Variants in GGA1 observed in about 807,000 individuals in gnomAD.
The protein encoded by GGA1 is golgi associated, gamma adaptin ear containing, ARF binding protein 1, also known as ADP-ribosylation factor-binding protein GGA1.
A neutral mutation model predicts 76.9 loss-of-function variants in GGA1; 18 were observed. The observed-to-expected ratio is 0.23, with a 90% CI of 0.16 to 0.35. The LOEUF (loss-of-function observed/expected upper bound fraction) is 0.35, where lower values mean the gene tolerates loss of function less well. Among genes scored for constraint, GGA1 ranks in the 10% least tolerant of loss-of-function variants. GGA1 has a pLI of 1.00. For synonymous variants in GGA1, 342 were observed against 354.7 expected, an observed-to-expected ratio of 0.96 and a Z score of 0.40; for missense variants, 755 against 859.0, an observed-to-expected ratio of 0.88 and a Z score of 1.51.
At chr22:37,615,114 C>T (rs2145898161) in intron 2 of GGA1, among the ~76,000 whole-genome samples, 1 of 151,200 alleles carries the variant, frequency 6.6e-6, no homozygotes, top group African/African-American at 2.4e-5. Flanking sequence ...GCCTGGGCAA[C>T]ATAGCGGGGC....
intron 1 of GGA1, among the ~76,000 whole-genome samples, chr22:37,611,804 C>G (rs1601494418): frequency 6.6e-6 from 1 of 152,212 alleles, no homozygotes; most frequent in African/African-American, 2.4e-5. Flanking sequence ...AAATGAAGAT[C>G]GAGCTCTGGC....
intron 1 of GGA1, chr22:37,610,245 A>G (rs1437643729): frequency 6.6e-6 from 1 of 152,228 alleles, no homozygotes. Context: ...GCCCTGACAC[A>G]CTGGGGCTGG....
chr22:37,608,951 G>T, intron 1 of GGA1, 48 bp downstream of exon 1: 1 of 1,324,782 alleles, frequency 7.5e-7, no homozygotes. Flanking sequence ...GGAACCGGGG[G>T]CACGAGGCGG....
intron 2 of GGA1, among the ~76,000 whole-genome samples, chr22:37,615,107 TGGGCAACATAGCG>T (rs1225377778): frequency 6.6e-6 from 1 of 151,486 alleles, no homozygotes; most frequent in Non-Finnish European, 1.5e-5. Flanking sequence ...GAGGCTAGCC[TGGGCAACATAGCG>T]GGGCAACATA....
chr22:37,629,438 ACCTCTCT>A lies in GGA1; in HGVS notation c.1094-20_1094-14del. 6.4e-7 allele frequency: 1 copy of A among 1,565,724 alleles called. No homozygotes were observed. The highest frequency in any genetic ancestry group is 8.7e-7 in the Non-Finnish European group (1 of 1,148,378). On this transcript the variant is annotated splice_polypyrimidine_tract_variant and intron_variant, in intron 11 of 16. Transcript: ENST00000343632. ...TCTGCAGGGTCAGCCCAGCTCCTTCACCTCTCTCCTGCTTTCCCCTCAGGCCTCAGTG... is the reference window on the plus strand; with the variant it reads ...TCTGCAGGGTCAGCCCAGCTCCTTCACCTGCTTTCCCCTCAGGCCTCAGTG...
At position 37,631,023 on chromosome 22, in the gene GGA1, C is replaced by G; in HGVS notation, c.1452C>G (p.Pro484=). Residue 484 remains proline (P), a synonymous_variant, in exon 14 of 17, where the codon CCC becomes CCG. Coordinates refer to ENST00000343632, the MANE Select transcript of GGA1 (RefSeq NM_013365.5). ...TCCACACCGTGTCCCCAGAGCCCCC[C>G]AGGCCTCCGCAGCAGCCCGTACCAA... The part of the protein sequence containing the change: ...SLLHTVSPEP[P]RPPQQPVPTE... The G allele has an allele frequency of 6.2e-7, 1 of 1,613,480 alleles. No individual in the cohort carries two copies. Among genetic ancestry groups the G allele is most frequent in the Non-Finnish European group, 8.5e-7 (1 of 1,179,782 alleles).
intron 13 of GGA1, chr22:37,630,692 G>T: frequency 1.8e-6 from 1 of 556,680 alleles, no homozygotes; most frequent in Non-Finnish European, 3.1e-6. Flanking sequence ...TCAGGCTCCT[G>T]AGTAGCTGGG....
At chr22:37,611,092 C>T (rs1210646520) in intron 1 of GGA1, among the ~76,000 whole-genome samples, 2 of 152,204 alleles carry the variant, frequency 1.3e-5, no homozygotes. Context: ...CAGTGATTCT[C>T]TAACTTTAGA....
At chr22:37,629,842 C>T (rs757720890) in intron 12 of GGA1, among the ~76,000 whole-genome samples, 156 bp from the exon 13 acceptor site, 2 of 152,226 alleles carry the variant, frequency 1.3e-5, no homozygotes, top group Non-Finnish European at 2.9e-5. Flanking sequence ...GACCCAGCCA[C>T]CCTGCATCAT....
Position 37,625,882 on chromosome 22 carries a change from C to T in GGA1, c.1026C>T (p.Gly342=), listed in dbSNP as rs147657157. The T allele has an allele frequency of 2.5e-4, 401 of 1,611,154 alleles. No individual in the cohort carries two copies. In the African/African-American group the frequency reaches 4.5e-3, roughly 18 times the overall value. The change falls in exon 11 of 17, where the codon GGC becomes GGT. Residue 342 remains glycine (G), a synonymous_variant. Coordinates refer to ENST00000343632, the MANE Select transcript of GGA1 (RefSeq NM_013365.5). This position sits in a 1 kb window ranked among gnomAD's most constrained non-coding sequence, Gnocchi z 4.1. ...ACCCAGCTATGCCCACCCGCCCTGG[C>T]GAGCAGGCCAGCCCTGAGCAGCCCA... ...TTYPAMPTRP[G]EQASPEQPSA...
rs908505546 is a variant in GGA1, at chr22:37,628,705, C to T, written c.1094-757C>T. Among the ~76,000 whole-genome samples the T allele has an allele frequency of 2.0e-5, 3 of 152,210 alleles. No homozygotes were observed. In the East Asian group the frequency reaches 5.8e-4, roughly 29 times the overall value. On this transcript the variant is annotated intron_variant, in intron 11 of 16. Coordinates refer to ENST00000343632, the MANE Select transcript of GGA1 (RefSeq NM_013365.5). ...ACCCACTGTCACAGCTTCCTGGTACCCTTGCCTTTGCCTGTCAGGTAGCAC... is the reference window on the plus strand; with the variant it reads ...ACCCACTGTCACAGCTTCCTGGTACTCTTGCCTTTGCCTGTCAGGTAGCAC...
At chr22:37,616,863 GC>G in intron 2 of GGA1, 58 bp from the exon 3 acceptor site, 1 of 1,522,292 alleles carries the variant, frequency 6.6e-7, no homozygotes, top group Non-Finnish European at 8.8e-7. Context: ...TGGGGTCGTG[GC>G]CCTAGGGTGA....
intron 13 of GGA1, 161 bp from the exon 14 acceptor site, chr22:37,630,742 A>C (rs185592615): frequency 1.7e-6 from 1 of 589,210 alleles, no homozygotes; most frequent in Admixed American, 3.4e-5. Flanking sequence ...AGTTTTTTGT[A>C]TTTTTTATAC....
chr22:37,619,742 C>A (rs1929532483), intron 4 of GGA1: 5 of 773,410 alleles, frequency 6.5e-6, no homozygotes. Flanking sequence ...TGCTCAGACC[C>A]ATCCTTTGAC....
At chr22:37,629,039 C>A (rs775106168) in intron 11 of GGA1, among the ~76,000 whole-genome samples, 6 of 152,234 alleles carry the variant, frequency 3.9e-5, no homozygotes, top group Non-Finnish European at 5.9e-5. Flanking sequence ...CAGTGCCTAG[C>A]CCACAGTCAC....
chr22:37,620,801 CATCTA>C lies in GGA1; in HGVS notation c.428-8_428-4del, dbSNP rs781245170. On this transcript the variant is annotated splice_region_variant and splice_polypyrimidine_tract_variant and intron_variant, in intron 5 of 16. Coordinates refer to ENST00000343632, the MANE Select transcript of GGA1 (RefSeq NM_013365.5). The stretch of plus-strand genomic sequence containing the variant: ...ACATATTGACAGCCTTTCTGACACT[CATCTA>C]ATCCAGGGATTGTAAAGTCCGACCC... 2 of 1,530,808 alleles carry C rather than the reference CATCTA, an allele frequency of 1.3e-6. No homozygotes were observed. Among genetic ancestry groups the C allele is most frequent in the South Asian group, 1.1e-5 (1 of 89,450 alleles). 94.8% of individuals were successfully genotyped at this position (1,530,808 alleles called of 1,614,324 possible). A position where few individuals can be genotyped will look rare whatever the true frequency, so the allele number is the denominator to read the frequency against.
rs769115053 is a variant in GGA1 at position 37,632,536 on chromosome 22, G to A, written c.1809+21G>A. 1 of 1,589,984 alleles carries A rather than the reference G, an allele frequency of 6.3e-7. No homozygotes were observed. The highest frequency in any genetic ancestry group is 8.6e-7 in the Non-Finnish European group (1 of 1,158,194). ...AGAAGGTAAGGGGCCCCCAGGCAGT[G>A]CTGCAGGGTGGGGACGGCCACTTCT... On this transcript the variant is annotated intron_variant, in intron 16 of 16. Coordinates refer to ENST00000343632, the MANE Select transcript of GGA1 (RefSeq NM_013365.5). This position sits in a 1 kb window ranked among gnomAD's most constrained non-coding sequence, Gnocchi z 5.1.
chr22:37,623,311 G>T lies in GGA1; in HGVS notation c.610-16G>T, dbSNP rs1475064057. On this transcript the variant is annotated splice_polypyrimidine_tract_variant and intron_variant, in intron 7 of 16. Coordinates refer to ENST00000343632, the MANE Select transcript of GGA1 (RefSeq NM_013365.5). The surrounding 1 kb of genome is among the most constrained non-coding windows in gnomAD (Gnocchi z 4.6). ...GGCCAAAGGTTCTCAGGGGCCCTTG[G>T]CCAATGTGTCCCCAGGACCAGAAGC... The T allele has an allele frequency of 1.2e-6, 2 of 1,613,652 alleles. No homozygotes were observed. The highest frequency in any genetic ancestry group is 1.7e-6 in the Non-Finnish European group (2 of 1,179,626).
chr22:37,630,799 C>T, intron 13 of GGA1, 104 bp from the exon 14 acceptor site: 2 of 770,524 alleles, frequency 2.6e-6, no homozygotes, highest in Non-Finnish European at 4.3e-6. Flanking sequence ...AACTCCTGAG[C>T]TCAAGCGATC....
Sources: gnomAD v4.1 joint callset for allele counts (sites outside exome capture counted in the v4.1 genomes callset) on GRCh38, gnomAD v4.1.1 for gene constraint, Gnocchi (gnomAD v3.1) non-coding constraint, MANE v1.5 for transcripts, NCBI Gene and HGNC (gene_info 2026-07-23, HGNC 2026-07-21) for gene names.